The following PPP3CC variants were observed in gnomAD, a reference collection of about 807,000 sequenced individuals.
PPP3CC encodes the protein serine/threonine-protein phosphatase 2B catalytic subunit gamma isoform.
PPP3CC carries 35 observed loss-of-function variants against 60.3 expected under a neutral mutation model. That is an observed-to-expected ratio of 0.58 (90% CI 0.44 to 0.77). The LOEUF is 0.77. Among genes scored for constraint, PPP3CC ranks in the 30% least tolerant of loss-of-function variants. The pLI, the probability that PPP3CC is intolerant of heterozygous loss-of-function variation, is 0.00. For missense variants in PPP3CC, 570 were observed against 628.9 expected, an observed-to-expected ratio of 0.91 and a Z score of 1.00; for synonymous variants, 206 against 224.3, an observed-to-expected ratio of 0.92 and a Z score of 0.73.
At chr8:22,522,770 T>C in intron 8 of PPP3CC, 21 bp downstream of exon 8, 1 of 1,513,680 alleles carries the variant, frequency 6.6e-7, no homozygotes. Context: ...CCAGCAATAT[T>C]TGAGTTTGAA....
At chr8:22,488,464 A>G (rs1031857424) in intron 3 of PPP3CC, among the ~76,000 whole-genome samples, 1 of 152,230 alleles carries the variant, frequency 6.6e-6, no homozygotes, top group Non-Finnish European at 1.5e-5. Flanking sequence ...CAATGATTGA[A>G]AGTTTCTTTT....
chr8:22,460,344 C>CA (rs1488607147), intron 1 of PPP3CC, among the ~76,000 whole-genome samples: 5 of 151,898 alleles, frequency 3.3e-5, no homozygotes, highest in Admixed American at 2.6e-4. Flanking sequence ...TTGAAAATTT[C>CA]AAAGAATTTT....
intron 8 of PPP3CC, among the ~76,000 whole-genome samples, chr8:22,525,536 TTCTCTCCCTCTCTCTCTCTC>T (rs1563780619): frequency 2.6e-4 from 19 of 73,636 alleles, no homozygotes; most frequent in African/African-American, 5.8e-4. Flanking sequence ...CTTTCTTTCT[TTCTCTCCCTCTCTCTCTCTC>T]TCTTTCTTTC....
chr8:22,486,488 A>C (rs1009192617), intron 3 of PPP3CC, among the ~76,000 whole-genome samples: 1 of 152,154 alleles, frequency 6.6e-6, no homozygotes, highest in African/African-American at 2.4e-5. Context: ...CTCTTTCTTG[A>C]TGAAAAGACT....
Position 22,540,862 on chromosome 8 carries a change from A to G in PPP3CC, c.*60A>G. ...ACTCAAGAACAAATTCTATTTATTT[A>G]TTATTGGAAAATGAAAAGCAACTCA... is the stretch of plus-strand genomic sequence containing the variant. On this transcript the variant is annotated 3_prime_UTR_variant, in exon 14 of 14. Transcript: ENST00000240139. The G allele has an allele frequency of 7.2e-7, 1 of 1,386,722 alleles. No homozygotes were observed. The highest frequency in any genetic ancestry group is 9.5e-7 in the Non-Finnish European group (1 of 1,054,844). The allele number at this position is 1,386,722 out of a possible 1,614,324, so 85.9% of individuals were successfully genotyped here. A position where few individuals can be genotyped will look rare whatever the true frequency, so the allele number is the denominator to read the frequency against.
At chr8:22,449,382 A>G (rs1836935362) in intron 1 of PPP3CC, among the ~76,000 whole-genome samples, 1 of 123,712 alleles carries the variant, frequency 8.1e-6, no homozygotes, top group Admixed American at 1.0e-4. Flanking sequence ...CAGGAGGTGG[A>G]GGTTGCAGGT....
intron 1 of PPP3CC, among the ~76,000 whole-genome samples, chr8:22,451,432 G>A (rs1298237561): frequency 1.3e-5 from 2 of 152,142 alleles, no homozygotes; most frequent in South Asian, 2.1e-4. Flanking sequence ...CACTGTGTCC[G>A]GCCCCCAGCC....
chr8:22,480,881 T>G lies in PPP3CC; in HGVS notation c.372+5257T>G, dbSNP rs369034629. 1.2e-4 allele frequency among the ~76,000 whole-genome samples: 18 copies of G among 152,294 alleles called. No individual in the cohort carries two copies. The East Asian group carries it at 1.7e-3, about 15-fold the overall frequency. On this transcript the variant is annotated intron_variant, in intron 3 of 13. Transcript: ENST00000240139. The stretch of plus-strand genomic sequence containing the variant: ...GAGGCCTAGATGGGAGGCTAACATG[T>G]GTCCAGGAGTTCAAGACCAGCCTGA...
At chr8:22,450,320 T>C (rs1162070206) in intron 1 of PPP3CC, among the ~76,000 whole-genome samples, 2 of 152,036 alleles carry the variant, frequency 1.3e-5, no homozygotes. Flanking sequence ...AAAAAAGGGG[T>C]GGTAGTGGGA....
intron 1 of PPP3CC, among the ~76,000 whole-genome samples, chr8:22,470,626 A>G (rs891788918): frequency 2.0e-5 from 3 of 152,222 alleles, no homozygotes; most frequent in African/African-American, 7.2e-5. Context: ...ATCCCCAAAG[A>G]AGATATTCAA....
rs991293271 is a variant in PPP3CC at position 22,531,191 on chromosome 8, C to T, written c.1142-1034C>T. 2.1e-5 allele frequency: 21 copies of T among 1,006,042 alleles called. No homozygotes were observed. The African/African-American group carries it at 3.0e-4, about 15-fold the overall frequency. The allele number at this position is 1,006,042 out of a possible 1,614,324, so 62.3% of individuals were successfully genotyped here. A position where few individuals can be genotyped will look rare whatever the true frequency, so the allele number is the denominator to read the frequency against. On this transcript the variant is annotated intron_variant, in intron 10 of 13. Coordinates refer to ENST00000240139, the MANE Select transcript of PPP3CC (RefSeq NM_005605.5). ...CTGGTAAAGATAATAGCCTGTTTCT[C>T]TCATTGCATTTCACTTTGATTTTTT... is the stretch of plus-strand genomic sequence containing the variant.
At chr8:22,489,797 A>G (rs1427245964) in intron 3 of PPP3CC, among the ~76,000 whole-genome samples, 2 of 144,546 alleles carry the variant, frequency 1.4e-5, no homozygotes, top group African/African-American at 2.5e-5. Context: ...AGTATATATT[A>G]TATACATACA....
intron 1 of PPP3CC, among the ~76,000 whole-genome samples, chr8:22,446,868 T>C (rs1306284140): frequency 7.0e-6 from 1 of 143,884 alleles, no homozygotes. Flanking sequence ...AGAGACAAAA[T>C]TATTCATTTA....
intron 1 of PPP3CC, among the ~76,000 whole-genome samples, chr8:22,464,616 A>G (rs559461491): frequency 6.6e-6 from 1 of 152,294 alleles, no homozygotes; most frequent in South Asian, 2.1e-4. Flanking sequence ...TCCTGAGCTC[A>G]AGCAATCCAC....
At chr8:22,478,724 C>T (rs1451273231) in intron 3 of PPP3CC, among the ~76,000 whole-genome samples, 1 of 152,130 alleles carries the variant, frequency 6.6e-6, no homozygotes, top group Non-Finnish European at 1.5e-5. Flanking sequence ...GTAGGAGCTT[C>T]CAGTCTAATA....
Position 22,511,008 on chromosome 8 carries a change from A to G in PPP3CC, c.485-78A>G. On this transcript the variant is annotated intron_variant, in intron 4 of 13. Transcript: ENST00000240139. ...AAATAAATGGCTCTAAAGTAGCTTC[A>G]TATTCTCCTGGCCTATATCCTTTTT... 4.9e-6 allele frequency: 7 copies of G among 1,419,010 alleles called. No individual in the cohort carries two copies. The Middle Eastern group carries it at 5.5e-4, about 112-fold the overall frequency. 87.9% of individuals were successfully genotyped at this position (1,419,010 alleles called of 1,614,324 possible).
intron 1 of PPP3CC, among the ~76,000 whole-genome samples, chr8:22,442,930 C>G (rs551664178): frequency 2.2e-4 from 33 of 152,272 alleles, no homozygotes; most frequent in East Asian, 1.9e-3. Context: ...CTTTTAGTTT[C>G]TCTCTCCAGT....
chr8:22,520,378 A>G (rs1190246980), intron 6 of PPP3CC, among the ~76,000 whole-genome samples: 1 of 152,128 alleles, frequency 6.6e-6, no homozygotes, highest in Non-Finnish European at 1.5e-5. Flanking sequence ...TTAAACTGTT[A>G]GCCTTTAGTT....
At chr8:22,447,363 T>C (rs1836860688) in intron 1 of PPP3CC, among the ~76,000 whole-genome samples, 1 of 151,844 alleles carries the variant, frequency 6.6e-6, no homozygotes, top group African/African-American at 2.4e-5. Flanking sequence ...TTTGTATTTT[T>C]AGTAGAGACG....
Sources: allele counts gnomAD v4.1 joint callset (sites outside exome capture counted in the v4.1 genomes callset), GRCh38; gene constraint gnomAD v4.1.1; transcripts MANE v1.5; gene names NCBI Gene and HGNC (gene_info 2026-07-23, HGNC 2026-07-21).